Variants in RORA observed in about 807,000 individuals in gnomAD.
The protein encoded by RORA is nuclear receptor ROR-alpha.
A neutral mutation model predicts 69.5 loss-of-function variants in RORA; 7 were observed. The observed-to-expected ratio is 0.10, with a 90% confidence interval of 0.06 to 0.19. The LOEUF (loss-of-function observed/expected upper bound fraction) is 0.19, where lower values mean the gene tolerates loss of function less well. Ranked by LOEUF, RORA falls within the 10% of genes least tolerant of loss-of-function variation. RORA has a pLI of 1.00. For synonymous variants in RORA, 261 were observed against 240.8 expected (o/e 1.08, Z -0.78); for missense variants, 457 against 663.0 (o/e 0.69, Z 3.41).
At chr15:60,640,051 T>G (rs1232635701) in intron 2 of RORA, among the ~76,000 whole-genome samples, 1 of 152,178 alleles carries the variant, frequency 6.6e-6, no homozygotes, top group Non-Finnish European at 1.5e-5. Context: ...GCTTTATCAC[T>G]TACCCTTTGT....
intron 1 of RORA, among the ~76,000 whole-genome samples, chr15:60,960,777 A>G (rs1315289902): frequency 6.6e-6 from 1 of 151,412 alleles, no homozygotes; most frequent in Non-Finnish European, 1.5e-5. Context: ...CATTCGCTTC[A>G]CTCTAGACTG....
chr15:60,752,863 C>T (rs1445219708), intron 1 of RORA, among the ~76,000 whole-genome samples: 1 of 152,150 alleles, frequency 6.6e-6, no homozygotes, highest in Non-Finnish European at 1.5e-5. Context: ...CCTTTCAGTG[C>T]AGATTAGATT....
At chr15:60,932,034 T>G (rs1892388883) in intron 1 of RORA, among the ~76,000 whole-genome samples, 2 of 84,652 alleles carry the variant, frequency 2.4e-5, no homozygotes, top group Admixed American at 1.1e-4. Flanking sequence ...GAATCAAGAG[T>G]TTTTTTTTTT....
Position 61,061,105 on chromosome 15 carries a change from G to GC in RORA, c.166+167947dup, listed in dbSNP as rs993036694. On this transcript the variant is annotated intron_variant, in intron 1 of 10. Transcript: ENST00000335670. The surrounding 1 kb of genome is among the most constrained non-coding windows in gnomAD (Gnocchi z 4.4). Reference sequence around the variant, plus strand: ...GCGGTGGCTCGTGCCTGTAATCCCAGCACTTTGGGAGGCCGAGGCGGGCGG... The same window carrying GC: ...GCGGTGGCTCGTGCCTGTAATCCCAGCCACTTTGGGAGGCCGAGGCGGGCGG... Among the ~76,000 whole-genome samples, 2 of 152,162 alleles carry GC rather than the reference G, an allele frequency of 1.3e-5. No individual in the cohort carries two copies. Among genetic ancestry groups the GC allele is most frequent in the African/African-American group, 4.8e-5 (2 of 41,440 alleles).
chr15:61,033,049 T>G (rs1158820027), intron 1 of RORA, among the ~76,000 whole-genome samples: 1 of 152,270 alleles, frequency 6.6e-6, no homozygotes, highest in Admixed American at 6.5e-5. Context: ...GGGAACAGAT[T>G]CAGATCTGCA....
At chr15:60,873,672 A>C (rs2073583647) in intron 1 of RORA, among the ~76,000 whole-genome samples, 1 of 152,224 alleles carries the variant, frequency 6.6e-6, no homozygotes, top group Admixed American at 6.5e-5. Flanking sequence ...AAGCTGCCAC[A>C]GCTATTATGT....
chr15:61,136,009 A>G (rs984011155), intron 1 of RORA, among the ~76,000 whole-genome samples: 1 of 152,232 alleles, frequency 6.6e-6, no homozygotes, highest in African/African-American at 2.4e-5. Context: ...TAGGTTACCA[A>G]GATGTCCAGG....
chr15:60,914,192 T>C (rs2140482352), intron 1 of RORA, among the ~76,000 whole-genome samples: 1 of 152,280 alleles, frequency 6.6e-6, no homozygotes, highest in African/African-American at 2.4e-5. Context: ...TGTGTGATCA[T>C]TTGTTGAATT....
At chr15:61,100,416 G>A (rs564393188) in intron 1 of RORA, among the ~76,000 whole-genome samples, 49 of 152,278 alleles carry the variant, frequency 3.2e-4, no homozygotes, top group African/African-American at 1.1e-3. Context: ...AGCGGTGCCC[G>A]GCCTGAGCGG....
intron 1 of RORA, among the ~76,000 whole-genome samples, chr15:60,791,766 C>A (rs564921193): frequency 3.9e-5 from 6 of 152,198 alleles, no homozygotes; most frequent in African/African-American, 1.4e-4. Flanking sequence ...CTGCTGTCGA[C>A]CGCAGGAACA....
intron 1 of RORA, among the ~76,000 whole-genome samples, chr15:60,844,766 A>T (rs1461023042): frequency 1.3e-5 from 2 of 152,220 alleles, no homozygotes; most frequent in African/African-American, 4.8e-5. Flanking sequence ...ATTACAAAAA[A>T]GGTGGTTTAA....
At position 60,499,880 on chromosome 15, in the gene RORA, T is replaced by C. The variant is rs754023842; in HGVS notation, c.1407+12A>G. On this transcript the variant is annotated intron_variant, in intron 10 of 10. Transcript: ENST00000335670. ...GTTCAGGCCATGCCAACTAGAAGCC[T>C]TTGGCACTCACCTTTGTTAGTATTC... is the stretch of plus-strand genomic sequence containing the variant. 2.0e-6 allele frequency: 3 copies of C among 1,495,240 alleles called. No homozygotes were observed. The East Asian group carries it at 6.8e-5, about 34-fold the overall frequency. The allele number at this position is 1,495,240 out of a possible 1,614,324, so 92.6% of individuals were successfully genotyped here.
In RORA at chr15:60,591,301, G is replaced by T. The variant is rs528389979; in HGVS notation, c.197-59450C>A. ...ACCTGCGGGCGCACAAGCGGGCGGC[G>T]GGCGGCGGGCGGCGTGCTGCGGGCT... On this transcript the variant is annotated intron_variant, in intron 2 of 10. Coordinates refer to ENST00000335670, the MANE Select transcript of RORA (RefSeq NM_134261.3). Among the ~76,000 whole-genome samples the T allele has an allele frequency of 1.9e-4, 29 of 152,310 alleles. No individual in the cohort carries two copies. In the South Asian group the frequency reaches 6.0e-3, roughly 32 times the overall value.
intron 10 of RORA, among the ~76,000 whole-genome samples, chr15:60,499,295 G>T (rs1004909712): frequency 6.6e-6 from 1 of 152,188 alleles, no homozygotes; most frequent in African/African-American, 2.4e-5. Flanking sequence ...TCTATGGGAG[G>T]TGGAGGAGGG....
intron 1 of RORA, among the ~76,000 whole-genome samples, chr15:60,783,175 G>A (rs1388758782): frequency 6.6e-6 from 1 of 152,086 alleles, no homozygotes; most frequent in African/African-American, 2.4e-5. Context: ...CAAATACAAA[G>A]GGGGTGCATG....
At chr15:61,050,683 G>C (rs1399755504) in intron 1 of RORA, among the ~76,000 whole-genome samples, 1 of 152,188 alleles carries the variant, frequency 6.6e-6, no homozygotes, top group African/African-American at 2.4e-5. Flanking sequence ...AGAGTCAGGG[G>C]TTGGTCTTGG....
chr15:61,105,647 A>G (rs1037514568), intron 1 of RORA, among the ~76,000 whole-genome samples: 1 of 152,196 alleles, frequency 6.6e-6, no homozygotes, highest in Non-Finnish European at 1.5e-5. Flanking sequence ...ATGCATGAAA[A>G]TGCAGGGGCA....
chr15:60,907,011 C>T (rs1567232407), intron 1 of RORA, among the ~76,000 whole-genome samples: 1 of 152,106 alleles, frequency 6.6e-6, no homozygotes, highest in Non-Finnish European at 1.5e-5. Context: ...ATGCTCCAAG[C>T]AGCTAGAAGG....
intron 2 of RORA, among the ~76,000 whole-genome samples, chr15:60,590,847 G>A (rs2068482038): frequency 6.6e-6 from 1 of 152,132 alleles, no homozygotes; most frequent in African/African-American, 2.4e-5. Context: ...TTCTAAAAAT[G>A]ATTAAATCCC....
Sources: gnomAD v4.1 joint callset for allele counts (sites outside exome capture counted in the v4.1 genomes callset) on GRCh38, gnomAD v4.1.1 for gene constraint, Gnocchi (gnomAD v3.1) non-coding constraint, MANE v1.5 for transcripts, NCBI Gene and HGNC (gene_info 2026-07-23, HGNC 2026-07-21) for gene names.